Variants in MMP16 observed in about 807,000 individuals in gnomAD.
MMP16 encodes the protein matrix metallopeptidase 16, also known as matrix metalloproteinase-16.
In MMP16, 12 loss-of-function variants were observed where a neutral mutation model predicts 67.8. The ratio of observed to expected loss-of-function variants is 0.18; its 90% CI spans 0.11 to 0.29. The LOEUF (loss-of-function observed/expected upper bound fraction) is 0.29. MMP16 is among the 10% of genes least tolerant of loss of function. The pLI is 1.00. For missense variants in MMP16, 475 were observed against 765.7 expected (o/e 0.62, Z 4.48); for synonymous variants, 249 against 255.9 (o/e 0.97, Z 0.26).
intron 3 of MMP16, among the ~76,000 whole-genome samples, chr8:88,176,963 C>T (rs1001643935): frequency 1.3e-5 from 2 of 152,092 alleles, no homozygotes; most frequent in African/African-American, 4.8e-5. Context: ...GGAATTGCAT[C>T]GATTTTGTGG....
intron 7 of MMP16, among the ~76,000 whole-genome samples, chr8:88,072,642 C>T (rs531455956): frequency 6.6e-6 from 1 of 152,196 alleles, no homozygotes; most frequent in East Asian, 1.9e-4. Flanking sequence ...ATAAGAAACA[C>T]CATACTGAGT....
intron 6 of MMP16, among the ~76,000 whole-genome samples, chr8:88,085,016 G>A (rs1424643868): frequency 6.6e-6 from 1 of 151,684 alleles, no homozygotes; most frequent in Non-Finnish European, 1.5e-5. Flanking sequence ...TGCTTCATTT[G>A]ACTGTAACAT....
chr8:88,036,481 CTTTA>C lies in MMP16; in HGVS notation c.*4976_*4979del, dbSNP rs1160032237. On this transcript the variant is annotated 3_prime_UTR_variant, in exon 10 of 10. Coordinates refer to ENST00000286614, the MANE Select transcript of MMP16 (RefSeq NM_005941.5). Reference sequence around the variant, plus strand: ...GTTGCGTTGCTATTCCTGGTTGCCGCTTTATTTATTACATAAAATTCTAATTTTT... The same window carrying C: ...GTTGCGTTGCTATTCCTGGTTGCCGCTTTATTACATAAAATTCTAATTTTT... 4.0e-5 allele frequency: 6 copies of C among 151,826 alleles called. No homozygotes were observed. The highest frequency in any genetic ancestry group is 2.1e-4 in the South Asian group (1 of 4,822). 9.4% of individuals were successfully genotyped at this position (151,826 alleles called of 1,614,324 possible).
At chr8:88,283,689 C>G (rs2129999900) in intron 1 of MMP16, among the ~76,000 whole-genome samples, 1 of 152,216 alleles carries the variant, frequency 6.6e-6, no homozygotes, top group Admixed American at 6.5e-5. Flanking sequence ...TGCAAATATA[C>G]TAAAACCAAA....
At chr8:88,168,947 A>G (rs1488556993) in intron 3 of MMP16, among the ~76,000 whole-genome samples, 2 of 152,076 alleles carry the variant, frequency 1.3e-5, no homozygotes, top group Non-Finnish European at 1.5e-5. Context: ...CACTCAAGCA[A>G]TCCTCCCACC....
chr8:88,042,331 AGGCTTCCTTT>A (rs1480126639), intron 9 of MMP16, among the ~76,000 whole-genome samples: 1 of 152,178 alleles, frequency 6.6e-6, no homozygotes, highest in Non-Finnish European at 1.5e-5. Context: ...TCTAAACAAC[AGGCTTCCTTT>A]TGTAATTTGC....
chr8:88,094,049 C>G (rs956908139), intron 6 of MMP16, among the ~76,000 whole-genome samples: 3 of 151,736 alleles, frequency 2.0e-5, no homozygotes, highest in Admixed American at 2.0e-4. Flanking sequence ...TAGACCAAGG[C>G]AGAGTGTATT....
At chr8:88,134,693 T>C (rs1347665610) in intron 4 of MMP16, among the ~76,000 whole-genome samples, 1 of 151,658 alleles carries the variant, frequency 6.6e-6, no homozygotes, top group Non-Finnish European at 1.5e-5. Context: ...AATGTTGCTG[T>C]TTCCCCTAGC....
chr8:88,294,295 T>C (rs976103824), intron 1 of MMP16, among the ~76,000 whole-genome samples: 1 of 120,096 alleles, frequency 8.3e-6, no homozygotes, highest in Admixed American at 9.5e-5. Context: ...CACATATATG[T>C]ATATATGTAT....
At chr8:88,313,122 C>A (rs1162818297) in intron 1 of MMP16, among the ~76,000 whole-genome samples, 1 of 152,138 alleles carries the variant, frequency 6.6e-6, no homozygotes, top group Non-Finnish European at 1.5e-5. Flanking sequence ...ATCAATAGTG[C>A]ATTCCTTTTT....
intron 1 of MMP16, among the ~76,000 whole-genome samples, chr8:88,243,266 C>T (rs191960792): frequency 6.6e-6 from 1 of 152,216 alleles, no homozygotes; most frequent in East Asian, 1.9e-4. Flanking sequence ...GGATTCAAGT[C>T]CATTAGGAAT....
intron 1 of MMP16, among the ~76,000 whole-genome samples, chr8:88,209,047 C>T (rs930599137): frequency 2.0e-5 from 3 of 151,890 alleles, no homozygotes; most frequent in Admixed American, 6.6e-5. Flanking sequence ...AGAAGGCTTC[C>T]GTTTATTCAA....
chr8:88,125,059 T>G (rs957648347), intron 4 of MMP16, among the ~76,000 whole-genome samples: 1 of 151,888 alleles, frequency 6.6e-6, no homozygotes. Flanking sequence ...GTGAATTTTG[T>G]GGCTTTAACC....
chr8:88,185,798 T>C (rs1217998766), intron 3 of MMP16, among the ~76,000 whole-genome samples: 2 of 152,150 alleles, frequency 1.3e-5, no homozygotes, highest in African/African-American at 4.8e-5. Context: ...ATCCTGTCCT[T>C]TCTTTTTATA....
intron 1 of MMP16, among the ~76,000 whole-genome samples, chr8:88,301,520 A>G (rs1811098755): frequency 6.6e-6 from 1 of 152,228 alleles, no homozygotes; most frequent in Admixed American, 6.5e-5. Flanking sequence ...CTCTCTTTCA[A>G]TGTATGCATG....
At chr8:88,098,247 G>A (rs1809063663) in intron 6 of MMP16, among the ~76,000 whole-genome samples, 1 of 152,016 alleles carries the variant, frequency 6.6e-6, no homozygotes, top group Non-Finnish European at 1.5e-5. Context: ...TAGTATCAAT[G>A]TTTGATGACA....
intron 6 of MMP16, among the ~76,000 whole-genome samples, chr8:88,081,622 A>G (rs1586140789): frequency 6.6e-6 from 1 of 152,174 alleles, no homozygotes; most frequent in South Asian, 2.1e-4. Flanking sequence ...GATGATGGCT[A>G]ATACCAATGA....
At chr8:88,181,873 G>A (rs1435415666) in intron 3 of MMP16, among the ~76,000 whole-genome samples, 1 of 151,912 alleles carries the variant, frequency 6.6e-6, no homozygotes, top group East Asian at 1.9e-4. Context: ...ACCACAAATA[G>A]AGTCAACTGA....
At chr8:88,263,873 C>A (rs1810428539) in intron 1 of MMP16, among the ~76,000 whole-genome samples, 1 of 151,940 alleles carries the variant, frequency 6.6e-6, no homozygotes, top group South Asian at 2.1e-4. Context: ...CATTCAGGGA[C>A]TGGTGCTTAA....
Sources: gnomAD v4.1 joint callset for allele counts (sites outside exome capture counted in the v4.1 genomes callset) on GRCh38, gnomAD v4.1.1 for gene constraint, MANE v1.5 for transcripts, NCBI Gene and HGNC (gene_info 2026-07-23, HGNC 2026-07-21) for gene names.